Variants in STPG2 observed in about 807,000 individuals in gnomAD.
STPG2 encodes sperm-tail PG-rich repeat-containing protein 2.
A neutral mutation model predicts 54.2 loss-of-function variants in STPG2; 56 were observed. The ratio of observed to expected loss-of-function variants is 1.03; its 90% CI spans 0.83 to 1.29. The LOEUF is 1.29. Ranked by LOEUF, STPG2 falls within the 50% of genes most tolerant of loss-of-function variation. STPG2 has a pLI of 0.00. For missense variants in STPG2, 596 were observed against 544.9 expected (o/e 1.09, Z -0.93); for synonymous variants, 200 against 181.8 (o/e 1.10, Z -0.81).
At position 97,590,668 on chromosome 4, in the gene STPG2, CACACAG is replaced by C. The variant is rs796560436; in HGVS notation, c.1321-31557_1321-31552del. Among the ~76,000 whole-genome samples, 368 of 151,084 alleles carry C rather than the reference CACACAG, an allele frequency of 2.4e-3. 2 individuals are homozygous for C. The highest frequency in any genetic ancestry group is 8.6e-3 in the African/African-American group (355 of 41,060). The stretch of plus-strand genomic sequence containing the variant: ...ACACACACACACACACACACACACA[CACACAG>C]AGAGAAACATTAAAGGACCAACAAA... On this transcript the variant is annotated intron_variant, in intron 10 of 10. Transcript: ENST00000295268.
chr4:97,887,525 C>G (rs890706755), intron 8 of STPG2, among the ~76,000 whole-genome samples: 2 of 152,070 alleles, frequency 1.3e-5, no homozygotes, highest in Non-Finnish European at 2.9e-5. Context: ...TTCTAAGCAA[C>G]AAAGTATTCA....
chr4:97,956,709 A>G (rs1733688059), intron 7 of STPG2, among the ~76,000 whole-genome samples: 1 of 152,182 alleles, frequency 6.6e-6, no homozygotes, highest in South Asian at 2.1e-4. Flanking sequence ...TGGATCCAGA[A>G]GAGACATAAC....
At chr4:97,610,183 G>A (rs1031668446) in intron 10 of STPG2, among the ~76,000 whole-genome samples, 7 of 152,024 alleles carry the variant, frequency 4.6e-5, no homozygotes, top group African/African-American at 1.7e-4. Context: ...TAGGATGAGT[G>A]GCCAGGCATC....
At chr4:97,736,362 A>G (rs1270684838) in intron 9 of STPG2, among the ~76,000 whole-genome samples, 2 of 152,174 alleles carry the variant, frequency 1.3e-5, no homozygotes, top group African/African-American at 4.8e-5. Context: ...TGGGCGCAGG[A>G]CAGTGGGTGC....
chr4:97,844,010 G>A (rs889524349), intron 8 of STPG2, among the ~76,000 whole-genome samples: 4 of 151,762 alleles, frequency 2.6e-5, no homozygotes, highest in East Asian at 1.9e-4. Context: ...GTATGAAATC[G>A]TGAGGTTTCA....
intron 5 of STPG2, among the ~76,000 whole-genome samples, chr4:98,012,919 C>G (rs535338811): frequency 6.6e-6 from 1 of 152,190 alleles, no homozygotes; most frequent in African/African-American, 2.4e-5. Context: ...GACTTTCTCT[C>G]TTCCTATCTG....
chr4:97,836,095 A>G (rs2149117102), intron 9 of STPG2, among the ~76,000 whole-genome samples: 1 of 152,202 alleles, frequency 6.6e-6, no homozygotes, highest in East Asian at 1.9e-4. Context: ...AGATGATAAA[A>G]CAGTTGTAGG....
chr4:97,712,093 A>G (rs1324468449), intron 10 of STPG2, among the ~76,000 whole-genome samples: 1 of 152,194 alleles, frequency 6.6e-6, no homozygotes, highest in Non-Finnish European at 1.5e-5. Context: ...TAATTGTTAC[A>G]AATCACTATA....
intron 9 of STPG2, among the ~76,000 whole-genome samples, chr4:97,803,380 G>T (rs1393768197): frequency 1.3e-5 from 2 of 152,100 alleles, no homozygotes; most frequent in Admixed American, 1.3e-4. Context: ...AAAAATACTA[G>T]GTTCTTGACC....
chr4:97,851,874 C>A (rs1291156481), intron 8 of STPG2, among the ~76,000 whole-genome samples: 3 of 152,100 alleles, frequency 2.0e-5, no homozygotes, highest in Non-Finnish European at 2.9e-5. Flanking sequence ...AATACAAGAA[C>A]AGAAATGGCC....
chr4:97,744,552 C>A (rs893967774), intron 9 of STPG2, among the ~76,000 whole-genome samples: 1 of 151,146 alleles, frequency 6.6e-6, no homozygotes, highest in African/African-American at 2.4e-5. Context: ...TTAGTCCCCC[C>A]ATTATCTTCA....
intron 9 of STPG2, among the ~76,000 whole-genome samples, chr4:97,799,458 A>C (rs1483713928): frequency 6.6e-6 from 1 of 152,114 alleles, no homozygotes; most frequent in African/African-American, 2.4e-5. Flanking sequence ...GTTTGGCTGG[A>C]TATGAAATTT....
rs1190991286 is a variant in STPG2, at chr4:97,815,079, G to A, written c.1204+25694C>T. 2.6e-5 allele frequency among the ~76,000 whole-genome samples: 4 copies of A among 152,130 alleles called. No homozygotes were observed. In the East Asian group the frequency reaches 5.8e-4, roughly 22 times the overall value. On this transcript the variant is annotated intron_variant, in intron 9 of 10. Transcript: ENST00000295268. ...CGTCCTGCACTTTTCAGAAACGAAGGTATGGGTCATATCACCAGGTAAAGA... is the reference window on the plus strand; with the variant it reads ...CGTCCTGCACTTTTCAGAAACGAAGATATGGGTCATATCACCAGGTAAAGA...
At position 98,126,430 on chromosome 4, in the gene STPG2, T is replaced by C. The variant is rs187120674; in HGVS notation, c.387+1998A>G. 4.2e-3 allele frequency among the ~76,000 whole-genome samples: 644 copies of C among 152,242 alleles called. 3 individuals are homozygous for C. Among genetic ancestry groups the C allele is most frequent in the South Asian group, 0.025 (121 of 4,822 alleles). On this transcript the variant is annotated intron_variant, in intron 3 of 10. Coordinates refer to ENST00000295268, the MANE Select transcript of STPG2 (RefSeq NM_174952.3). Reference sequence around the variant, plus strand: ...CTGGTCCATGAGTTGCAAAGATCCATGAGAAAAGTGTAGTTTCCTGGACAG... The same window carrying C: ...CTGGTCCATGAGTTGCAAAGATCCACGAGAAAAGTGTAGTTTCCTGGACAG...
At chr4:97,943,751 T>C (rs746076957) in intron 8 of STPG2, 146 bp downstream of exon 8, 3 of 537,434 alleles carry the variant, frequency 5.6e-6, no homozygotes, top group African/African-American at 2.0e-5. Flanking sequence ...TGTTGAACTT[T>C]AAAAATATAA....
chr4:97,500,729 T>G (rs980449930), intron 4 of STPG2, among the ~76,000 whole-genome samples: 1 of 152,018 alleles, frequency 6.6e-6, no homozygotes, highest in Non-Finnish European at 1.5e-5. Flanking sequence ...TAAATATTGC[T>G]AATTAATAAT....
At chr4:97,818,947 TATAA>T (rs1251841752) in intron 9 of STPG2, among the ~76,000 whole-genome samples, 1 of 147,942 alleles carries the variant, frequency 6.8e-6, no homozygotes, top group Non-Finnish European at 1.5e-5. Context: ...GTATCTCTTA[TATAA>T]ATATACATAT....
At chr4:97,789,336 A>C (rs1230534080) in intron 9 of STPG2, among the ~76,000 whole-genome samples, 1 of 152,090 alleles carries the variant, frequency 6.6e-6, no homozygotes, top group Non-Finnish European at 1.5e-5. Flanking sequence ...AAATATAATG[A>C]AGGAGAAATT....
chr4:97,663,763 T>G (rs1398955374), intron 10 of STPG2, among the ~76,000 whole-genome samples: 1 of 152,216 alleles, frequency 6.6e-6, no homozygotes, highest in Admixed American at 6.5e-5. Context: ...GCCTTTTATC[T>G]GTAGGCCTGC....
Sources: allele counts gnomAD v4.1 joint callset (sites outside exome capture counted in the v4.1 genomes callset), GRCh38; gene constraint gnomAD v4.1.1; transcripts MANE v1.5; gene names NCBI Gene and HGNC (gene_info 2026-07-23, HGNC 2026-07-21).